The following LMNB1 variants were observed in gnomAD, a reference collection of about 807,000 sequenced individuals.
The protein encoded by LMNB1 is lamin-B1.
A neutral mutation model predicts 67.1 loss-of-function variants in LMNB1; 23 were observed. That is an observed-to-expected ratio of 0.34 (90% CI 0.25 to 0.49). LMNB1 has a LOEUF of 0.49. Among genes scored for constraint, LMNB1 ranks in the 20% least tolerant of loss-of-function variants. The pLI, the probability that LMNB1 is intolerant of heterozygous loss-of-function variation, is 0.99. For synonymous variants in LMNB1, 281 were observed against 282.9 expected (o/e 0.99, Z 0.07); for missense variants, 634 against 746.5 (o/e 0.85, Z 1.76).
intron 5 of LMNB1, among the ~76,000 whole-genome samples, chr5:126,816,830 C>T (rs956283789): frequency 7.9e-5 from 12 of 152,160 alleles, no homozygotes; most frequent in African/African-American, 2.7e-4. Context: ...AGGGATTGCA[C>T]GTATGTGATA....
At chr5:126,808,204 GAC>G in intron 3 of LMNB1, among the ~76,000 whole-genome samples, 1 of 149,824 alleles carries the variant, frequency 6.7e-6, no homozygotes, top group East Asian at 2.0e-4. Context: ...TTTTGTGTGA[GAC>G]AGAGTCTCAC....
intron 8 of LMNB1, among the ~76,000 whole-genome samples, chr5:126,824,337 A>C (rs1297151659): frequency 1.3e-5 from 2 of 152,218 alleles, no homozygotes; most frequent in Non-Finnish European, 2.9e-5. Flanking sequence ...AATATATCCA[A>C]AATATTGCTT....
In LMNB1 at chr5:126,783,219, CAAAA is replaced by C. The variant is rs538452564; in HGVS notation, c.359+5356_359+5359del. Among the ~76,000 whole-genome samples, 413 of 151,814 alleles carry C rather than the reference CAAAA, an allele frequency of 2.7e-3. 3 individuals carry two copies. Among genetic ancestry groups the C allele is most frequent in the African/African-American group, 9.3e-3 (385 of 41,420 alleles). The stretch of plus-strand genomic sequence containing the variant: ...TGTCTCAAAAACAAAAACAAACAAA[CAAAA>C]AAACCACAAAAAACAAACCTTCATC... On this transcript the variant is annotated intron_variant, in intron 1 of 10. Transcript: ENST00000261366.
intron 5 of LMNB1, among the ~76,000 whole-genome samples, chr5:126,812,990 G>A (rs1469962199): frequency 6.6e-6 from 1 of 152,036 alleles, no homozygotes; most frequent in African/African-American, 2.4e-5. Flanking sequence ...CGGCTTCCCA[G>A]AGTGCTGGGA....
intron 3 of LMNB1, among the ~76,000 whole-genome samples, chr5:126,806,327 A>G (rs76127958): frequency 0.028 from 4,225 of 152,356 alleles, 72 homozygotes; most frequent in Middle Eastern, 0.11. Flanking sequence ...TTAGTTATCT[A>G]TTCCTGCCTA....
Position 126,822,767 on chromosome 5 carries a change from C to CT in LMNB1, c.1387-11dup. On this transcript the variant is annotated splice_polypyrimidine_tract_variant and intron_variant, in intron 7 of 10. Coordinates refer to ENST00000261366, the MANE Select transcript of LMNB1 (RefSeq NM_005573.4). ...CTTTGAAGTAACACCCCTCACCCTCCTTTCTGTGTGTAGGATCAACCAATG... is the reference window on the plus strand; with the variant it reads ...CTTTGAAGTAACACCCCTCACCCTCCTTTTCTGTGTGTAGGATCAACCAATG... 6.6e-7 allele frequency: 1 copy of CT among 1,521,010 alleles called. No individual in the cohort carries two copies. The highest frequency in any genetic ancestry group is 9.1e-7 in the Non-Finnish European group (1 of 1,098,690). The allele number at this position is 1,521,010 out of a possible 1,614,324, so 94.2% of individuals were successfully genotyped here.
At chr5:126,799,361 G>A (rs1751204324) in intron 1 of LMNB1, among the ~76,000 whole-genome samples, 1 of 152,236 alleles carries the variant, frequency 6.6e-6, no homozygotes, top group Admixed American at 6.5e-5. Flanking sequence ...AGGAGGAAGA[G>A]GAAAAATATA....
At chr5:126,790,099 C>G (rs779183357) in intron 1 of LMNB1, among the ~76,000 whole-genome samples, 1 of 151,904 alleles carries the variant, frequency 6.6e-6, no homozygotes, top group East Asian at 1.9e-4. Context: ...CCACTGAGCC[C>G]GGCCTTATTT....
At chr5:126,800,982 A>ATAATTTTTTTTTTTTTTT in intron 1 of LMNB1, among the ~76,000 whole-genome samples, 1 of 18,632 alleles carries the variant, frequency 5.4e-5, no homozygotes, top group Admixed American at 9.5e-4. Context: ...TATATATATA[A>ATAATTTTTTTTTTTTTTT]TTTTTTTTTT....
chr5:126,827,202 T>G (rs1395216932), intron 9 of LMNB1, among the ~76,000 whole-genome samples: 2 of 152,196 alleles, frequency 1.3e-5, no homozygotes, highest in Non-Finnish European at 2.9e-5. Context: ...ATTCATTTAT[T>G]TGGAAAATCC....
intron 9 of LMNB1, among the ~76,000 whole-genome samples, chr5:126,826,884 T>C (rs1488136541): frequency 6.6e-6 from 1 of 152,234 alleles, no homozygotes; most frequent in Non-Finnish European, 1.5e-5. Flanking sequence ...GGAGCTTTTG[T>C]TGTGAGTTCA....
At chr5:126,822,987 G>T in intron 8 of LMNB1, 102 bp downstream of exon 8, 1 of 706,758 alleles carries the variant, frequency 1.4e-6, no homozygotes. Flanking sequence ...AGAAATGGCC[G>T]TTAAAGTACT....
intron 7 of LMNB1, among the ~76,000 whole-genome samples, chr5:126,821,817 G>C (rs1311738192): frequency 6.6e-6 from 1 of 151,830 alleles, no homozygotes; most frequent in Non-Finnish European, 1.5e-5. Flanking sequence ...GCAGGCGGCA[G>C]TGGGATGGAT....
chr5:126,821,064 A>T lies in LMNB1; in HGVS notation c.1315A>T (p.Thr439Ser). The change falls in exon 7 of 11, where the codon ACT (threonine) becomes TCT (serine). Residue 439 changes from threonine to serine, a missense_variant. By Grantham distance (58) the Thr-to-Ser change is moderately conservative. Transcript: ENST00000261366. ...TAGCATCTCTCATTCCGCCTCAGCC[A>T]CTGGAAATGTTTGCATCGAAGAAAT... ...SVSISHSASA[T>S]GNVCIEEIDV... is the part of the protein sequence containing the mutation. The T allele has an allele frequency of 6.2e-7, 1 of 1,614,072 alleles. No individual in the cohort carries two copies. The highest frequency in any genetic ancestry group is 8.5e-7 in the Non-Finnish European group (1 of 1,179,982).
At chr5:126,832,397 G>A (rs1226894428) in intron 9 of LMNB1, among the ~76,000 whole-genome samples, 3 of 151,688 alleles carry the variant, frequency 2.0e-5, no homozygotes, top group Non-Finnish European at 4.4e-5. Context: ...CAACCTCAAT[G>A]CAAGCCATTC....
chr5:126,815,578 C>T (rs1751687214), intron 5 of LMNB1, among the ~76,000 whole-genome samples: 1 of 152,186 alleles, frequency 6.6e-6, no homozygotes, highest in Admixed American at 6.5e-5. Flanking sequence ...TATTTAAAAA[C>T]CCCAAGATCA....
At chr5:126,811,939 T>C in intron 5 of LMNB1, 41 bp downstream of exon 5, 1 of 1,586,284 alleles carries the variant, frequency 6.3e-7, no homozygotes. Flanking sequence ...ACTTGAAGGC[T>C]ACCTTCACCA....
chr5:126,789,419 T>G (rs1324366850), intron 1 of LMNB1, among the ~76,000 whole-genome samples: 1 of 152,088 alleles, frequency 6.6e-6, no homozygotes, highest in Non-Finnish European at 1.5e-5. Context: ...TACTTTTGTG[T>G]ATGAAAGAGG....
chr5:126,824,360 A>C (rs1158755561), intron 8 of LMNB1, among the ~76,000 whole-genome samples: 1 of 152,250 alleles, frequency 6.6e-6, no homozygotes, highest in Non-Finnish European at 1.5e-5. Context: ...ACATGTAATC[A>C]GTCTAAAAAG....
Sources: allele counts gnomAD v4.1 joint callset (sites outside exome capture counted in the v4.1 genomes callset), GRCh38; gene constraint gnomAD v4.1.1; transcripts MANE v1.5; gene names NCBI Gene and HGNC (gene_info 2026-07-23, HGNC 2026-07-21).